The following PGAP1 variants were observed in gnomAD, a reference collection of about 807,000 sequenced individuals.
PGAP1 encodes post-GPI attachment to proteins inositol deacylase 1.
Under a neutral mutation model 127.0 loss-of-function variants are expected in PGAP1, and 76 were observed. The ratio of observed to expected loss-of-function variants is 0.60; its 90% CI spans 0.50 to 0.72. The LOEUF (loss-of-function observed/expected upper bound fraction) is 0.72. PGAP1 is among the 30% of genes least tolerant of loss of function. The pLI is 0.00. For missense variants in PGAP1, 982 were observed against 1,071.3 expected (o/e 0.92, Z 1.16); for synonymous variants, 362 against 366.5 (o/e 0.99, Z 0.14).
In PGAP1 at chr2:196,926,620, GCCGCCACCA is replaced by G. The variant is rs1210657379; in HGVS notation, c.-13_-5del. On this transcript the variant is annotated 5_prime_UTR_variant, in exon 1 of 27. Transcript: ENST00000354764. ...GATTAACTGAGTGAAGAAACATGGT[GCCGCCACCA>G]CCGCCGCCGCCGCCGCCGCCCCCTC... 6 of 1,613,746 alleles carry G rather than the reference GCCGCCACCA, an allele frequency of 3.7e-6. No homozygotes were observed. The highest frequency in any genetic ancestry group is 2.2e-5 in the East Asian group (1 of 44,886).
chr2:196,920,077 T>C lies in PGAP1; in HGVS notation c.221A>G (p.Tyr74Cys), dbSNP rs1289548191. 3 of 1,613,516 alleles carry C rather than the reference T, an allele frequency of 1.9e-6. No individual in the cohort carries two copies. Among genetic ancestry groups the C allele is most frequent in the Non-Finnish European group, 2.5e-6 (3 of 1,179,610 alleles). Residue 74 changes from tyrosine to cysteine, a missense_variant, in exon 2 of 27, where the codon TAT becomes TGT. Coordinates refer to ENST00000354764, the MANE Select transcript of PGAP1 (RefSeq NM_024989.4). Reference sequence around the variant, plus strand: ...AGGGAGAATTTTGTGTTCTTCAGCATAGGATCCCTCTCCATAAAGATACAA... The same window carrying C: ...AGGGAGAATTTTGTGTTCTTCAGCACAGGATCCCTCTCCATAAAGATACAA... ...YELYLYGEGSYAEEHKILPLT... is the reference protein window; with the variant it reads ...YELYLYGEGSCAEEHKILPLT...
intron 3 of PGAP1, among the ~76,000 whole-genome samples, chr2:196,915,566 C>A (rs1702979824): frequency 6.6e-6 from 1 of 152,186 alleles, no homozygotes. Context: ...TTGGGGTCAT[C>A]CTTAACTGTT....
At chr2:196,862,571 T>TG (rs2125791042) in intron 20 of PGAP1, among the ~76,000 whole-genome samples, 1 of 152,340 alleles carries the variant, frequency 6.6e-6, no homozygotes, top group Non-Finnish European at 1.5e-5. Context: ...AAAAACTTGC[T>TG]GGTTTTTGCA....
At chr2:196,860,040 C>T (rs753335978) in intron 20 of PGAP1, among the ~76,000 whole-genome samples, 2 of 152,018 alleles carry the variant, frequency 1.3e-5, no homozygotes, top group African/African-American at 2.4e-5. Context: ...AAAAAAAGTA[C>T]ATCCAAATTG....
chr2:196,874,326 T>C (rs926742236), intron 14 of PGAP1, among the ~76,000 whole-genome samples: 5 of 151,998 alleles, frequency 3.3e-5, no homozygotes, highest in Non-Finnish European at 7.4e-5. Context: ...TCTGAGTCCA[T>C]AGTGACATAA....
At chr2:196,876,411 G>GA (rs1375747085) in intron 13 of PGAP1, among the ~76,000 whole-genome samples, 1 of 152,012 alleles carries the variant, frequency 6.6e-6, no homozygotes, top group Non-Finnish European at 1.5e-5. Context: ...TATGAAGCCA[G>GA]AAAAAGAAAT....
At chr2:196,883,623 AT>A (rs763631229) in intron 12 of PGAP1, among the ~76,000 whole-genome samples, 78 of 152,176 alleles carry the variant, frequency 5.1e-4, no homozygotes, top group Non-Finnish European at 1.2e-4. Flanking sequence ...TGTTGAATTT[AT>A]ACGTGCTTTG....
At chr2:196,847,321 T>TA (rs1700586011) in intron 21 of PGAP1, 121 bp from the exon 22 acceptor site, 1 of 715,038 alleles carries the variant, frequency 1.4e-6, no homozygotes. Flanking sequence ...AATTTATAAT[T>TA]ATACTGAAAA....
chr2:196,890,759 C>A, intron 10 of PGAP1, 69 bp downstream of exon 10: 1 of 832,254 alleles, frequency 1.2e-6, no homozygotes, highest in Non-Finnish European at 2.0e-6. Flanking sequence ...GCTAGGTCTA[C>A]CAGTAGAATT....
At chr2:196,911,615 A>T (rs909544551) in intron 4 of PGAP1, among the ~76,000 whole-genome samples, 1 of 143,286 alleles carries the variant, frequency 7.0e-6, no homozygotes, top group Non-Finnish European at 1.5e-5. Flanking sequence ...ATAAAAAAAA[A>T]AAAAAAAAAA....
intron 1 of PGAP1, among the ~76,000 whole-genome samples, chr2:196,925,628 T>C (rs1703333094): frequency 6.6e-6 from 1 of 152,148 alleles, no homozygotes; most frequent in African/African-American, 2.4e-5. Flanking sequence ...ACATTCAAAA[T>C]GGCATGGAAG....
At chr2:196,926,328 C>T in intron 1 of PGAP1, 142 bp downstream of exon 1, 1 of 1,293,906 alleles carries the variant, frequency 7.7e-7, no homozygotes, top group South Asian at 1.5e-5. Context: ...CAGAGTCTCC[C>T]CGGGCGGAGA....
chr2:196,847,575 T>C (rs1252164744), intron 21 of PGAP1: 3 of 195,674 alleles, frequency 1.5e-5, no homozygotes. Context: ...GAATGTTAAC[T>C]AGGGTAGAGA....
At chr2:196,905,731 C>T (rs1307005686) in intron 4 of PGAP1, among the ~76,000 whole-genome samples, 5 of 148,398 alleles carry the variant, frequency 3.4e-5, no homozygotes, top group Non-Finnish European at 6.0e-5. Context: ...TGGGCGCAGG[C>T]CAGTGTGTGC....
intron 13 of PGAP1, among the ~76,000 whole-genome samples, chr2:196,878,018 T>C (rs1178791035): frequency 1.3e-5 from 2 of 152,140 alleles, no homozygotes; most frequent in Non-Finnish European, 2.9e-5. Flanking sequence ...GGGACATGGG[T>C]TGGATCTTGA....
chr2:196,843,221 C>T (rs1700463591), intron 25 of PGAP1, among the ~76,000 whole-genome samples: 1 of 152,088 alleles, frequency 6.6e-6, no homozygotes, highest in South Asian at 2.1e-4. Flanking sequence ...AAATCCAATT[C>T]ATTTCTTGCA....
chr2:196,845,895 T>G lies in PGAP1; in HGVS notation c.2273A>C (p.Tyr758Ser), dbSNP rs1399770896. 1.2e-6 allele frequency: 2 copies of G among 1,607,220 alleles called. No homozygotes were observed. The highest frequency in any genetic ancestry group is 1.3e-5 in the African/African-American group (1 of 74,828). The change falls in exon 23 of 27, where the codon TAC (tyrosine) becomes TCC (serine). Residue 758 changes from tyrosine to serine, a missense_variant. Tyr to Ser is a moderately radical substitution (Grantham distance 144). Coordinates refer to ENST00000354764, the MANE Select transcript of PGAP1 (RefSeq NM_024989.4). ...GALAILLSYL[Y>S]YVFKVVHLQA... ...GATTTGACATACCTTAAACACATAGTAAAGATAAGAAAGAAGTATGGCTAG... is the reference window on the plus strand; with the variant it reads ...GATTTGACATACCTTAAACACATAGGAAAGATAAGAAAGAAGTATGGCTAG...
chr2:196,922,579 C>A, intron 1 of PGAP1: 3 of 315,828 alleles, frequency 9.5e-6, no homozygotes, highest in Non-Finnish European at 1.2e-5. Flanking sequence ...CACACACAGA[C>A]ACACACACAC....
Position 196,870,963 on chromosome 2 carries a change from G to C in PGAP1, c.1745C>G (p.Ser582Cys). 6 of 1,607,514 alleles carry C rather than the reference G, an allele frequency of 3.7e-6. No individual in the cohort carries two copies. Among genetic ancestry groups the C allele is most frequent in the Non-Finnish European group, 5.1e-6 (6 of 1,174,808 alleles). ...TACCTGTCCAAGTATTTGTGAAAAG[G>C]AAGTCTTAACTGTCACCTAGTTTAA... ...DCRYEVTVKT[S>C]FSQILGQVVR... is the part of the protein sequence containing the mutation. The change falls in exon 19 of 27, where the codon TCC (serine) becomes TGC (cysteine). Residue 582 changes from serine to cysteine, a missense_variant. Ser to Cys is a moderately radical substitution (Grantham distance 112, BLOSUM62 -1). Coordinates refer to ENST00000354764, the MANE Select transcript of PGAP1 (RefSeq NM_024989.4).
Sources: allele counts gnomAD v4.1 joint callset (sites outside exome capture counted in the v4.1 genomes callset), GRCh38; gene constraint gnomAD v4.1.1; transcripts MANE v1.5; gene names NCBI Gene and HGNC (gene_info 2026-07-23, HGNC 2026-07-21).